Variants in LAMA3 observed in about 807,000 individuals in gnomAD.
The protein encoded by LAMA3 is laminin subunit alpha 3.
A neutral mutation model predicts 402.0 loss-of-function variants in LAMA3; 281 were observed. The ratio of observed to expected loss-of-function variants is 0.70; its 90% CI spans 0.63 to 0.77. LAMA3 has a LOEUF of 0.77. Among genes scored for constraint, LAMA3 ranks in the 30% least tolerant of loss-of-function variants. LAMA3 has a pLI of 0.00. For synonymous variants in LAMA3, 1,431 were observed against 1,558.4 expected (o/e 0.92, Z 1.93); for missense variants, 3,840 against 4,215.5 (o/e 0.91, Z 2.47).
intron 2 of LAMA3, among the ~76,000 whole-genome samples, chr18:23,730,265 CCT>C (rs2061369236): frequency 6.6e-6 from 1 of 151,954 alleles, no homozygotes; most frequent in Non-Finnish European, 1.5e-5. Context: ...TGCTTTTACT[CCT>C]TTTTTTTGTT....
At chr18:23,917,710 T>C (rs1359689320) in intron 60 of LAMA3, among the ~76,000 whole-genome samples, 3 of 152,194 alleles carry the variant, frequency 2.0e-5, no homozygotes, top group Non-Finnish European at 2.9e-5. Context: ...GGTTGTTTGG[T>C]TTTTGCTTGT....
chr18:23,767,731 G>T (rs2062106454), intron 8 of LAMA3, among the ~76,000 whole-genome samples: 1 of 151,918 alleles, frequency 6.6e-6, no homozygotes, highest in African/African-American at 2.4e-5. Context: ...GTGCCATCAT[G>T]CCTGGCTAAT....
rs1259486611 is a variant in LAMA3, at chr18:23,838,797, T to C, written c.3110T>C (p.Ile1037Thr). ...ARFLLHQVCIIPIEEFSAEYV... is the reference protein window; with the variant it reads ...ARFLLHQVCITPIEEFSAEYV... Reference sequence around the variant, plus strand: ...GCTCACTAGCATCAAGTTTGTATCATACCTATTGAAGAATTCTCAGCTGAG... The same window carrying C: ...GCTCACTAGCATCAAGTTTGTATCACACCTATTGAAGAATTCTCAGCTGAG... The change falls in exon 26 of 75, where the codon ATA (isoleucine) becomes ACA (threonine). Residue 1037 changes from isoleucine to threonine, a missense_variant. Around this residue, in one of 3 missense-constraint regions of LAMA3, gnomAD observed 2,109 missense variants for 2,376.0 expected, o/e 0.89. Coordinates refer to ENST00000313654, the MANE Select transcript of LAMA3 (RefSeq NM_198129.4). The C allele has an allele frequency of 1.9e-6, 3 of 1,606,748 alleles. No individual in the cohort carries two copies. The highest frequency in any genetic ancestry group is 1.1e-5 in the South Asian group (1 of 90,920).
chr18:23,760,233 A>G (rs2061941242), intron 7 of LAMA3, among the ~76,000 whole-genome samples: 1 of 152,224 alleles, frequency 6.6e-6, no homozygotes, highest in Non-Finnish European at 1.5e-5. Context: ...AGTGCATGAA[A>G]ATCAGACCTA....
chr18:23,941,110 G>A lies in LAMA3; in HGVS notation c.9026+1724G>A, dbSNP rs562597476. Among the ~76,000 whole-genome samples the A allele has an allele frequency of 1.7e-3, 254 of 151,356 alleles. 2 individuals carry two copies. Among genetic ancestry groups the A allele is most frequent in the Middle Eastern group, 3.4e-3 (1 of 294 alleles). On this transcript the variant is annotated intron_variant, in intron 68 of 74. Transcript: ENST00000313654. ...GCCACCACGCCCGGCTAATTTTTTT[G>A]TATTTTTATTAGAGATGGGGTTTCA...
intron 2 of LAMA3, among the ~76,000 whole-genome samples, chr18:23,729,282 G>C (rs2145991259): frequency 6.6e-6 from 1 of 152,180 alleles, no homozygotes; most frequent in East Asian, 1.9e-4. Context: ...AAATAATCCA[G>C]CAAATGTATA....
chr18:23,754,648 T>C (rs1458094309), intron 6 of LAMA3, among the ~76,000 whole-genome samples: 1 of 152,226 alleles, frequency 6.6e-6, no homozygotes, highest in East Asian at 1.9e-4. Flanking sequence ...AACATGAATG[T>C]ACCCTTTTTG....
rs1477973221 is a variant in LAMA3 at position 23,847,621 on chromosome 18, C to A, written c.4089C>A (p.Thr1363=). The A allele has an allele frequency of 1.2e-6, 2 of 1,613,922 alleles. No homozygotes were observed. Among genetic ancestry groups the A allele is most frequent in the African/African-American group, 2.7e-5 (2 of 74,954 alleles). ...GCTGCAACTGTTCCAGGAGGGGCAC[C>A]ATCGAGGCTGCCATGCCGGAGTGTG... is the stretch of plus-strand genomic sequence containing the variant. ...CEGCNCSRRG[T]IEAAMPECDR... is the part of the protein sequence containing the mutation. Residue 1363 remains threonine (T), a synonymous_variant, in exon 32 of 75, where the codon ACC becomes ACA. Transcript: ENST00000313654.
chr18:23,784,585 A>G (rs2062503511), intron 12 of LAMA3, among the ~76,000 whole-genome samples: 1 of 152,146 alleles, frequency 6.6e-6, no homozygotes, highest in Admixed American at 6.5e-5. Flanking sequence ...GAGAGAGGGG[A>G]CAGCACATGC....
chr18:23,855,335 C>T (rs1431016205), intron 32 of LAMA3, among the ~76,000 whole-genome samples: 3 of 152,244 alleles, frequency 2.0e-5, no homozygotes, highest in African/African-American at 2.4e-5. Flanking sequence ...ACCCAGCCTA[C>T]GTCGGGCCAT....
intron 34 of LAMA3, among the ~76,000 whole-genome samples, chr18:23,860,555 G>C (rs1427519981): frequency 6.6e-6 from 1 of 151,656 alleles, no homozygotes; most frequent in African/African-American, 2.4e-5. Flanking sequence ...CACCACACCC[G>C]GCCTTCTTTG....
intron 29 of LAMA3, 144 bp downstream of exon 29, chr18:23,842,894 T>C (rs757317148): frequency 4.0e-6 from 4 of 1,009,942 alleles, no homozygotes; most frequent in Non-Finnish European, 6.1e-6. Context: ...CAGCTGTCTT[T>C]TACCCCCCAA....
chr18:23,783,368 G>A (rs896397463), intron 11 of LAMA3, among the ~76,000 whole-genome samples: 2 of 152,020 alleles, frequency 1.3e-5, no homozygotes, highest in African/African-American at 4.8e-5. Context: ...AAGTGGGGGG[G>A]CCATTTATAC....
chr18:23,920,896 C>G (rs891145315), intron 60 of LAMA3, 39 bp from the exon 61 acceptor site: 4 of 1,612,454 alleles, frequency 2.5e-6, no homozygotes, highest in African/African-American at 2.7e-5. Context: ...TCTTCTTCAG[C>G]CAAGCCTTCT....
intron 72 of LAMA3, among the ~76,000 whole-genome samples, chr18:23,950,725 C>T (rs941962000): frequency 5.3e-5 from 8 of 152,184 alleles, no homozygotes; most frequent in Admixed American, 6.5e-5. Flanking sequence ...CGTCCTTCCA[C>T]AGTTTACTAA....
chr18:23,899,416 C>T lies in LAMA3; in HGVS notation c.5965C>T (p.Leu1989Phe). 6.2e-7 allele frequency: 1 copy of T among 1,614,086 alleles called. No individual in the cohort carries two copies. Among genetic ancestry groups the T allele is most frequent in the Non-Finnish European group, 8.5e-7 (1 of 1,179,982 alleles). ...ELRNRNFGKH[L>F]REAEADKRES... Reference sequence around the variant, plus strand: ...GCGGAACAGGAACTTTGGAAAGCACCTCAGAGAAGCAGAAGCTGATAAAAG... The same window carrying T: ...GCGGAACAGGAACTTTGGAAAGCACTTCAGAGAAGCAGAAGCTGATAAAAG... The change falls in exon 47 of 75, where the codon CTC becomes TTC. Residue 1989 changes from leucine (L) to phenylalanine (F), a missense_variant. By Grantham distance (22) the Leu-to-Phe change is conservative. Transcript: ENST00000313654.
At chr18:23,927,816 GA>G (rs1230182926) in intron 62 of LAMA3, among the ~76,000 whole-genome samples, 2 of 151,878 alleles carry the variant, frequency 1.3e-5, no homozygotes, top group Non-Finnish European at 2.9e-5. Flanking sequence ...CTCCAGCGGG[GA>G]GGGACGGGCA....
In LAMA3 at chr18:23,715,449, A is replaced by G. The variant is rs2061080685; in HGVS notation, c.447+1377A>G. Among the ~76,000 whole-genome samples the G allele has an allele frequency of 2.0e-5, 3 of 152,156 alleles. No individual in the cohort carries two copies. The South Asian group carries it at 6.2e-4, about 32-fold the overall frequency. ...AGTGTGGAGATCACTGGTGACTTTG[A>G]TAAGAGAGCATTGAAAAGTTAACTG... is the stretch of plus-strand genomic sequence containing the variant. On this transcript the variant is annotated intron_variant, in intron 2 of 74. Coordinates refer to ENST00000313654, the MANE Select transcript of LAMA3 (RefSeq NM_198129.4).
chr18:23,866,276 C>G (rs577968403), intron 36 of LAMA3, among the ~76,000 whole-genome samples: 22 of 152,232 alleles, frequency 1.4e-4, no homozygotes, highest in African/African-American at 5.1e-4. Context: ...GAAGTCGGCT[C>G]TATTTCTGGT....
Sources: allele counts gnomAD v4.1 joint callset (sites outside exome capture counted in the v4.1 genomes callset), GRCh38; gene constraint gnomAD v4.1.1; regional missense constraint gnomAD v4.1.1; transcripts MANE v1.5; gene names NCBI Gene and HGNC (gene_info 2026-07-23, HGNC 2026-07-21).